Variants in NEDD4 observed in about 807,000 individuals in gnomAD.
NEDD4 encodes NEDD4 E3 ubiquitin protein ligase, also known as E3 ubiquitin-protein ligase NEDD4.
NEDD4 carries 99 observed loss-of-function variants against 144.9 expected under a neutral mutation model. The observed-to-expected ratio is 0.68, with a 90% CI of 0.58 to 0.81. The LOEUF (loss-of-function observed/expected upper bound fraction) is 0.81. NEDD4 is among the 30% of genes least tolerant of loss of function. The probability of loss-of-function intolerance (pLI) is 0.00; values close to 1 mark genes in which losing one functional copy is unlikely to be tolerated. For missense variants in NEDD4, 985 were observed against 1,065.9 expected, an observed-to-expected ratio of 0.92 and a Z score of 1.06; for synonymous variants, 318 against 350.6, an observed-to-expected ratio of 0.91 and a Z score of 1.04.
At chr15:55,896,956 A>G (rs1229599370) in intron 5 of NEDD4, among the ~76,000 whole-genome samples, 1 of 151,978 alleles carries the variant, frequency 6.6e-6, no homozygotes, top group Admixed American at 6.6e-5. Flanking sequence ...TACAATTTAT[A>G]AAATATTAAA....
Position 55,830,586 on chromosome 15 carries a change from C to A in NEDD4, c.2528G>T (p.Gly843Val). ...VPMNGFAELY[G>V]SNGPQSFTVE... ...TGTAAATGACTGTGGTCCATTTGAA[C>A]CTATAAGGAAGAATTTATTTGGTTT... Residue 843 changes from glycine (G) to valine (V), a missense_variant and splice_region_variant, in exon 28 of 29, where the codon GGT becomes GTT. Coordinates refer to ENST00000435532, the MANE Select transcript of NEDD4 (RefSeq NM_006154.4). The A allele has an allele frequency of 1.2e-6, 2 of 1,613,822 alleles. No homozygotes were observed. The highest frequency in any genetic ancestry group is 1.7e-6 in the Non-Finnish European group (2 of 1,179,766).
intron 5 of NEDD4, among the ~76,000 whole-genome samples, chr15:55,882,710 G>A (rs1302744523): frequency 6.6e-6 from 1 of 152,172 alleles, no homozygotes; most frequent in Non-Finnish European, 1.5e-5. Flanking sequence ...TCAAGGGAGT[G>A]CGTGTGCCAC....
chr15:55,934,669 G>A (rs1282275678), intron 4 of NEDD4: 1 of 151,690 alleles, frequency 6.6e-6, no homozygotes, highest in Admixed American at 6.6e-5. Context: ...AGGATATATA[G>A]TAAATTATAA....
chr15:55,851,678 T>C (rs910660362), intron 13 of NEDD4, among the ~76,000 whole-genome samples: 2 of 152,010 alleles, frequency 1.3e-5, no homozygotes, highest in East Asian at 2.0e-4. Context: ...GGTTTCTCCA[T>C]GTTGGTCAGG....
At chr15:55,973,924 T>C (rs1429264637) in intron 1 of NEDD4, among the ~76,000 whole-genome samples, 2 of 148,810 alleles carry the variant, frequency 1.3e-5, no homozygotes, top group Non-Finnish European at 1.5e-5. Context: ...AAAGAAATAA[T>C]AAAGATCAGA....
intron 1 of NEDD4, among the ~76,000 whole-genome samples, chr15:55,970,159 T>C (rs911026013): frequency 2.0e-5 from 3 of 152,134 alleles, no homozygotes; most frequent in Non-Finnish European, 4.4e-5. Flanking sequence ...GTGGTGGCCA[T>C]GGGCAGAGAC....
intron 4 of NEDD4, among the ~76,000 whole-genome samples, chr15:55,943,622 T>G (rs1566962829): frequency 2.0e-5 from 3 of 152,280 alleles, no homozygotes; most frequent in South Asian, 4.2e-4. Flanking sequence ...TTTCAGAGGA[T>G]GTATGGAAAT....
intron 5 of NEDD4, among the ~76,000 whole-genome samples, chr15:55,888,444 T>C (rs1207533626): frequency 1.3e-5 from 2 of 152,084 alleles, no homozygotes; most frequent in African/African-American, 4.8e-5. Flanking sequence ...CAAACACTGA[T>C]GAAAGAAATC....
intron 1 of NEDD4, among the ~76,000 whole-genome samples, chr15:55,990,187 A>G (rs2037966142): frequency 6.6e-6 from 1 of 151,976 alleles, no homozygotes; most frequent in Admixed American, 6.6e-5. Flanking sequence ...TCACAATGTA[A>G]TCATAATAGA....
intron 5 of NEDD4, among the ~76,000 whole-genome samples, chr15:55,899,219 A>G (rs920391007): frequency 6.6e-6 from 1 of 152,202 alleles, no homozygotes; most frequent in African/African-American, 2.4e-5. Flanking sequence ...AAACCTTGGC[A>G]CAAGACTACA....
intron 5 of NEDD4, among the ~76,000 whole-genome samples, chr15:55,885,636 T>C (rs1018667115): frequency 6.6e-6 from 1 of 152,074 alleles, no homozygotes; most frequent in South Asian, 2.1e-4. Flanking sequence ...TTTAAAACAA[T>C]AACTTATAAA....
chr15:55,935,315 C>A (rs1470530517), intron 4 of NEDD4, among the ~76,000 whole-genome samples: 3 of 152,092 alleles, frequency 2.0e-5, no homozygotes, highest in African/African-American at 7.2e-5. Context: ...GATGGGGTGT[C>A]CTGCCTTCTT....
At chr15:55,990,885 T>A (rs2140459491) in intron 1 of NEDD4, among the ~76,000 whole-genome samples, 1 of 152,226 alleles carries the variant, frequency 6.6e-6, no homozygotes, top group East Asian at 1.9e-4. Flanking sequence ...CTTCCTCCTT[T>A]GTTTGTTAAC....
At chr15:55,925,730 A>G (rs2036649364) in intron 4 of NEDD4, among the ~76,000 whole-genome samples, 1 of 152,210 alleles carries the variant, frequency 6.6e-6, no homozygotes, top group Non-Finnish European at 1.5e-5. Flanking sequence ...TACCTAACTC[A>G]GTGTCTACTT....
In NEDD4 at chr15:55,993,499, C is replaced by T. The variant is rs762683629; in HGVS notation, c.45+12G>A. ...AAGGGAAGCCCGCCCCGCAGCCCCG[C>T]GGTCCCCGCACCTCGTCCTCCAGGA... is the stretch of plus-strand genomic sequence containing the variant. On this transcript the variant is annotated intron_variant, in intron 1 of 28. Transcript: ENST00000435532. 2 of 1,594,990 alleles carry T rather than the reference C, an allele frequency of 1.3e-6. No homozygotes were observed. The highest frequency in any genetic ancestry group is 1.4e-5 in the African/African-American group (1 of 72,992).
At chr15:55,926,903 C>T (rs1196819360) in intron 4 of NEDD4, among the ~76,000 whole-genome samples, 1 of 151,882 alleles carries the variant, frequency 6.6e-6, no homozygotes, top group Non-Finnish European at 1.5e-5. Context: ...GGGTGAAACC[C>T]TGTCTCTACT....
intron 21 of NEDD4, among the ~76,000 whole-genome samples, chr15:55,839,985 AAAAAAAAAAAAAAAATATATATATATAT>A (rs1201635002): frequency 4.0e-5 from 2 of 49,582 alleles, no homozygotes; most frequent in African/African-American, 1.7e-4. Flanking sequence ...AAAAAAAAAA[AAAAAAAAAAAAAAAATATATATATATAT>A]ATATATATAT....
At chr15:55,941,311 C>T (rs1292390348) in intron 4 of NEDD4, among the ~76,000 whole-genome samples, 1 of 151,922 alleles carries the variant, frequency 6.6e-6, no homozygotes, top group Non-Finnish European at 1.5e-5. Context: ...TTGAATATTT[C>T]TTCATTTATA....
At chr15:55,885,639 C>A (rs181935804) in intron 5 of NEDD4, among the ~76,000 whole-genome samples, 152 of 151,966 alleles carry the variant, frequency 1.0e-3, no homozygotes, top group Non-Finnish European at 1.6e-3. Flanking sequence ...AAAACAATAA[C>A]TTATAAAATA....
Sources: gnomAD v4.1 joint callset for allele counts (sites outside exome capture counted in the v4.1 genomes callset) on GRCh38, gnomAD v4.1.1 for gene constraint, MANE v1.5 for transcripts, NCBI Gene and HGNC (gene_info 2026-07-23, HGNC 2026-07-21) for gene names.